KIAA1210: variants seen among roughly 807,000 people sequenced by gnomAD.
KIAA1210 encodes the protein acrosomal protein KIAA1210.
KIAA1210 carries 48 observed loss-of-function variants against 78.9 expected under a neutral mutation model. The observed-to-expected ratio is 0.61, with a 90% CI of 0.48 to 0.77. The LOEUF is 0.77. Among genes scored for constraint, KIAA1210 ranks in the 30% least tolerant of loss-of-function variants. KIAA1210 has a pLI of 0.00. For missense variants in KIAA1210, 1,108 were observed against 1,100.0 expected (o/e 1.01, Z -0.10); for synonymous variants, 406 against 404.5 (o/e 1.00, Z -0.04).
chrX:119,112,142 C>G (rs1244528081), intron 3 of KIAA1210, among the ~76,000 whole-genome samples: 1 of 111,527 alleles, frequency 9.0e-6, no homozygotes, highest in East Asian at 2.8e-4. Context: ...TAAGACGTGC[C>G]TTGCTTCCCC....
chrX:119,148,156 A>G (rs1040454388), intron 1 of KIAA1210, among the ~76,000 whole-genome samples: 1 of 110,910 alleles, frequency 9.0e-6, no homozygotes, highest in Admixed American at 9.6e-5. Flanking sequence ...CAACAACAAC[A>G]AAAAGTTGCC....
At chrX:119,119,297 G>A (rs191384038) in intron 2 of KIAA1210, among the ~76,000 whole-genome samples, 1 of 112,082 alleles carries the variant, frequency 8.9e-6, no homozygotes, top group African/African-American at 3.2e-5. Flanking sequence ...GGAGGCAGAA[G>A]CCAGCATGGA....
intron 5 of KIAA1210, among the ~76,000 whole-genome samples, chrX:119,105,848 G>C (rs1025006824): frequency 2.7e-5 from 3 of 111,835 alleles, no homozygotes; most frequent in African/African-American, 9.8e-5. Flanking sequence ...TTGAGACACT[G>C]GTCCCTGCCA....
chrX:119,128,426 A>AC (rs1229904030), upstream of KIAA1210, among the ~76,000 whole-genome samples: 1 of 101,490 alleles, frequency 9.9e-6, no homozygotes, highest in East Asian at 3.4e-4. Context: ...CAAACCCGCT[A>AC]CCCCCCTACT....
At chrX:119,127,528 G>C (rs1047350901) in intron 1 of KIAA1210, among the ~76,000 whole-genome samples, 199 bp downstream of exon 1, 3 of 110,575 alleles carry the variant, frequency 2.7e-5, no homozygotes, top group African/African-American at 9.9e-5. Flanking sequence ...AAAGCCCTGA[G>C]GCTTTTAGCA....
chrX:119,137,427 G>A lies in KIAA1210; in HGVS notation c.410+10046C>T, dbSNP rs753132520. ...AACTACATTAGGAATTACAAAGCCC[G>A]CGTCCTGAAATCTGCTGTTCCAAAA... On this transcript the variant is annotated intron_variant, in intron 2 of 13. Coordinates refer to the KIAA1210 transcript ENST00000402510. Among the ~76,000 whole-genome samples, 23 of 112,765 alleles carry A rather than the reference G, an allele frequency of 2.0e-4. No homozygotes were observed. In the East Asian group the frequency reaches 4.8e-3, roughly 23 times the overall value.
chrX:119,084,732 C>G (rs1167363664), intron 10 of KIAA1210, among the ~76,000 whole-genome samples: 1 of 111,110 alleles, frequency 9.0e-6, no homozygotes, highest in Non-Finnish European at 1.9e-5. Context: ...ACCACCTGTT[C>G]CCCCCAAACC....
chrX:119,107,259 ATAT>A (rs1927921941), intron 5 of KIAA1210, among the ~76,000 whole-genome samples: 1 of 112,786 alleles, frequency 8.9e-6, no homozygotes, highest in East Asian at 2.8e-4. Flanking sequence ...TGCCCCTAGA[ATAT>A]TTTCCTTTAA....
intron 2 of KIAA1210, among the ~76,000 whole-genome samples, chrX:119,137,119 A>G (rs182127749): frequency 9.3e-4 from 105 of 112,886 alleles, no homozygotes; most frequent in African/African-American, 3.3e-3. Context: ...TTACTTGACA[A>G]TGAATATGTG....
rs752284731 is a variant in KIAA1210 at position 119,094,540 on chromosome X, C to T, written c.847-765G>A. 2.7e-5 allele frequency among the ~76,000 whole-genome samples: 3 copies of T among 111,985 alleles called. No homozygotes were observed. The South Asian group carries it at 1.1e-3, about 42-fold the overall frequency. ...TCATAATAATTTATTTTTGAGTAAA[C>T]GTGGTCAGATTGGCCTGGATTCAAA... On this transcript the variant is annotated intron_variant, in intron 7 of 11. Transcript: ENST00000691062.
chrX:119,122,526 G>A (rs920031637), intron 2 of KIAA1210, among the ~76,000 whole-genome samples: 5 of 112,327 alleles, frequency 4.5e-5, no homozygotes, highest in South Asian at 7.4e-4. Flanking sequence ...AAGGCATTTC[G>A]TTGCTACCAC....
intron 2 of KIAA1210, among the ~76,000 whole-genome samples, chrX:119,136,099 G>A (rs1956752204): frequency 8.9e-6 from 1 of 111,754 alleles, no homozygotes; most frequent in African/African-American, 3.2e-5. Flanking sequence ...TGCTAGTGGA[G>A]GATGTGAATT....
chrX:119,081,639 C>G lies in KIAA1210; in HGVS notation c.4427-135G>C, dbSNP rs771098450. ...CCCCTGCTCTAGTGCTTTCTAAACT[C>G]TTCTCCCTTTGGTGCCAGACTTCTA... On this transcript the variant is annotated intron_variant, in intron 11 of 11. Transcript: ENST00000691062. 12 of 601,662 alleles carry G rather than the reference C, an allele frequency of 2.0e-5. No homozygotes were observed. The African/African-American group carries it at 2.8e-4, about 14-fold the overall frequency. The allele number at this position is 601,662 out of a possible 1,213,427, so 49.6% of individuals were successfully genotyped here. A position where few individuals can be genotyped will look rare whatever the true frequency, so the allele number is the denominator to read the frequency against.
chrX:119,087,124 C>T lies in KIAA1210; in HGVS notation c.3578G>A (p.Ser1193Asn). Residue 1193 changes from serine to asparagine, a missense_variant, in exon 9 of 12, where the codon AGT becomes AAT. Ser to Asn is a conservative substitution (Grantham distance 46). This residue lies in a region of KIAA1210 where 245 missense variants were observed against 278.8 expected (regional missense o/e 0.88). Transcript: ENST00000691062. Reference protein sequence around the residue: ...SSGEKHLPSSSPFQQQVHSSS... With the variant: ...SSGEKHLPSSNPFQQQVHSSS... ...TGAATGAACCTGTTGCTGGAAAGGA[C>T]TACTTGAAGGCAGGTGCTTCTCACC... 8.3e-7 allele frequency: 1 copy of T among 1,211,595 alleles called. No homozygotes were observed. The highest frequency in any genetic ancestry group is 1.1e-6 in the Non-Finnish European group (1 of 895,283).
intron 2 of KIAA1210, among the ~76,000 whole-genome samples, chrX:119,123,322 G>GT (rs1307597369): frequency 8.9e-6 from 1 of 112,020 alleles, no homozygotes; most frequent in African/African-American, 3.2e-5. Context: ...GTTCTGATTG[G>GT]TTTTTTCTGA....
At chrX:119,119,107 T>C (rs941026625) in intron 2 of KIAA1210, among the ~76,000 whole-genome samples, 3 of 112,405 alleles carry the variant, frequency 2.7e-5, no homozygotes, top group Non-Finnish European at 1.9e-5. Context: ...TGATGCAAAT[T>C]ATAGATGACA....
At chrX:119,126,363 C>A (rs1170448977) in intron 1 of KIAA1210, among the ~76,000 whole-genome samples, 2 of 112,228 alleles carry the variant, frequency 1.8e-5, no homozygotes, top group East Asian at 5.6e-4. Context: ...TGCTTCAGAC[C>A]CACTTACTGA....
chrX:119,138,736 A>C (rs764554388), intron 2 of KIAA1210, among the ~76,000 whole-genome samples: 4 of 111,470 alleles, frequency 3.6e-5, no homozygotes, highest in Non-Finnish European at 5.6e-5. Flanking sequence ...GTGGCAGTGA[A>C]CCCCAGGAGA....
At chrX:119,103,826 C>T (rs1927807146) in intron 6 of KIAA1210, among the ~76,000 whole-genome samples, 1 of 111,985 alleles carries the variant, frequency 8.9e-6, no homozygotes, top group African/African-American at 3.2e-5. Flanking sequence ...ACACATTATG[C>T]TAAGTGAAAG....
Sources: allele counts gnomAD v4.1 joint callset (sites outside exome capture counted in the v4.1 genomes callset), GRCh38; gene constraint gnomAD v4.1.1; regional missense constraint gnomAD v4.1.1; transcripts MANE v1.5; gene names NCBI Gene and HGNC (gene_info 2026-07-23, HGNC 2026-07-21).